Variants in ARID1B observed in about 807,000 individuals in gnomAD.
ARID1B encodes the protein AT-rich interaction domain 1B, also known as AT-rich interactive domain-containing protein 1B.
Under a neutral mutation model 212.3 loss-of-function variants are expected in ARID1B, and 30 were observed. The observed-to-expected ratio is 0.14, with a 90% CI of 0.11 to 0.19. ARID1B has a LOEUF of 0.19. Among genes scored for constraint, ARID1B ranks in the 10% least tolerant of loss-of-function variants. ARID1B has a pLI of 1.00. For missense variants in ARID1B, 2,891 were observed against 3,204.0 expected, an observed-to-expected ratio of 0.90 and a Z score of 2.36; for synonymous variants, 1,402 against 1,301.7, an observed-to-expected ratio of 1.08 and a Z score of -1.66.
rs758854488 is a variant in ARID1B at position 156,829,319 on chromosome 6, C to T, written c.1884C>T (p.Tyr628=). 2 of 1,614,074 alleles carry T rather than the reference C, an allele frequency of 1.2e-6. No homozygotes were observed. The highest frequency in any genetic ancestry group is 4.5e-5 in the East Asian group (2 of 44,902). The part of the protein sequence containing the change: ...PHSQPQQSSP[Y]PGGSYGPPGP... ...CTCAGCCTCAGCAGAGCAGTCCGTA[C>T]CCAGGAGGTTCCTATGGCCCTCCAG... is the stretch of plus-strand genomic sequence containing the variant. Residue 628 remains tyrosine, a synonymous_variant, in exon 2 of 20, where the codon TAC becomes TAT. Transcript: ENST00000636930.
intron 4 of ARID1B, among the ~76,000 whole-genome samples, chr6:157,047,931 G>A (rs1237705126): frequency 6.6e-6 from 1 of 152,226 alleles, no homozygotes; most frequent in African/African-American, 2.4e-5. Flanking sequence ...TGCAGTTACT[G>A]TGATCATATT....
chr6:157,171,707 C>T (rs1436620320), intron 9 of ARID1B, among the ~76,000 whole-genome samples: 1 of 152,086 alleles, frequency 6.6e-6, no homozygotes, highest in Non-Finnish European at 1.5e-5. Context: ...TTTGCACACC[C>T]AAAATGCCTG....
chr6:156,967,276 G>A (rs1384456728), intron 4 of ARID1B, among the ~76,000 whole-genome samples: 5 of 152,084 alleles, frequency 3.3e-5, no homozygotes, highest in Admixed American at 6.6e-5. Flanking sequence ...CATACACATG[G>A]CCACATACAT....
chr6:156,971,166 T>G (rs2128345910), intron 4 of ARID1B, among the ~76,000 whole-genome samples: 1 of 152,344 alleles, frequency 6.6e-6, no homozygotes, highest in South Asian at 2.1e-4. Flanking sequence ...CTAAAAGACA[T>G]GAATTCATAC....
intron 1 of ARID1B, among the ~76,000 whole-genome samples, chr6:156,816,250 A>G (rs192672508): frequency 1.3e-5 from 2 of 152,368 alleles, no homozygotes; most frequent in Non-Finnish European, 2.9e-5. Flanking sequence ...AATGCCTGTT[A>G]TAAGTCAGAC....
chr6:156,868,410 G>A (rs1426128688), intron 2 of ARID1B, among the ~76,000 whole-genome samples: 2 of 152,192 alleles, frequency 1.3e-5, no homozygotes, highest in Non-Finnish European at 2.9e-5. Flanking sequence ...GTCTGTTCAG[G>A]CTGCTATAAC....
chr6:157,166,923 C>A, intron 8 of ARID1B, 117 bp from the exon 9 acceptor site: 1 of 1,376,270 alleles, frequency 7.3e-7, no homozygotes, highest in Non-Finnish European at 9.7e-7. Flanking sequence ...TTTACACAAA[C>A]ATGAAAAGTT....
intron 8 of ARID1B, chr6:157,164,802 T>C (rs146752811): frequency 7.9e-5 from 12 of 152,264 alleles, no homozygotes; most frequent in African/African-American, 2.9e-4. Context: ...GGGCTTACTT[T>C]CAGGAAGGAT....
intron 4 of ARID1B, among the ~76,000 whole-genome samples, chr6:156,990,921 T>C (rs769567177): frequency 5.9e-5 from 9 of 152,266 alleles, no homozygotes; most frequent in Admixed American, 1.3e-4. Context: ...AGATGATTAA[T>C]AATTATAACT....
intron 8 of ARID1B, among the ~76,000 whole-genome samples, chr6:157,159,951 A>G (rs1450428570): frequency 6.6e-6 from 1 of 152,252 alleles, no homozygotes; most frequent in African/African-American, 2.4e-5. Context: ...TTCTTTGCCC[A>G]TTCTTAAAGG....
intron 4 of ARID1B, among the ~76,000 whole-genome samples, chr6:157,045,754 T>G (rs1782195644): frequency 6.6e-6 from 1 of 152,246 alleles, no homozygotes; most frequent in Non-Finnish European, 1.5e-5. Flanking sequence ...TTAATCTTTT[T>G]TATTTAATTA....
intron 2 of ARID1B, among the ~76,000 whole-genome samples, chr6:156,899,503 T>C (rs1334290975): frequency 6.6e-6 from 1 of 151,898 alleles, no homozygotes; most frequent in African/African-American, 2.4e-5. Context: ...AGCAAATTGG[T>C]TTTAATCGTG....
intron 4 of ARID1B, among the ~76,000 whole-genome samples, chr6:156,950,436 T>G (rs1033969627): frequency 6.6e-6 from 1 of 152,224 alleles, no homozygotes; most frequent in Admixed American, 6.5e-5. Context: ...AAACTTTATT[T>G]AAAATATTAT....
intron 4 of ARID1B, among the ~76,000 whole-genome samples, chr6:157,047,148 T>C (rs1267353054): frequency 1.3e-5 from 2 of 152,214 alleles, no homozygotes; most frequent in African/African-American, 2.4e-5. Context: ...AGGACTCTAA[T>C]ATCATTTTAG....
At chr6:157,115,572 G>C (rs1319698874) in intron 6 of ARID1B, among the ~76,000 whole-genome samples, 1 of 152,032 alleles carries the variant, frequency 6.6e-6, no homozygotes, top group Admixed American at 6.5e-5. Context: ...GACTACAGGT[G>C]CCCGCCACCA....
At chr6:157,103,260 A>T (rs146312954) in intron 5 of ARID1B, among the ~76,000 whole-genome samples, 1 of 151,390 alleles carries the variant, frequency 6.6e-6, no homozygotes, top group Non-Finnish European at 1.5e-5. Flanking sequence ...TTTTTTTTTC[A>T]ACAAATACTT....
intron 13 of ARID1B, 123 bp from the exon 14 acceptor site, chr6:157,189,519 G>C: frequency 8.3e-7 from 1 of 1,200,956 alleles, no homozygotes. Flanking sequence ...TATTGTTACT[G>C]TTTCTAATAA....
intron 4 of ARID1B, among the ~76,000 whole-genome samples, chr6:157,026,074 G>A (rs1195149440): frequency 2.0e-5 from 3 of 152,094 alleles, no homozygotes; most frequent in African/African-American, 7.2e-5. Context: ...ACAGGCACCC[G>A]CCACCATGCC....
At chr6:156,857,906 G>C (rs1318223674) in intron 2 of ARID1B, among the ~76,000 whole-genome samples, 1 of 152,198 alleles carries the variant, frequency 6.6e-6, no homozygotes, top group African/African-American at 2.4e-5. Context: ...TAGGCAACTG[G>C]AACACAGTGG....
Sources: allele counts gnomAD v4.1 joint callset (sites outside exome capture counted in the v4.1 genomes callset), GRCh38; gene constraint gnomAD v4.1.1; transcripts MANE v1.5; gene names NCBI Gene and HGNC (gene_info 2026-07-23, HGNC 2026-07-21).